Variants in ARSG observed in about 807,000 individuals in gnomAD.
ARSG encodes the protein arylsulfatase G, also known as ASG.
ARSG carries 37 observed loss-of-function variants against 50.5 expected under a neutral mutation model. That is an observed-to-expected ratio of 0.73 (90% CI 0.56 to 0.96). The LOEUF is 0.96. ARSG is among the 50% of genes least tolerant of loss of function. ARSG has a pLI of 0.00. For missense variants in ARSG, 629 were observed against 675.3 expected, an observed-to-expected ratio of 0.93 and a Z score of 0.76; for synonymous variants, 225 against 254.6, an observed-to-expected ratio of 0.88 and a Z score of 1.11.
chr17:68,300,899 A>G (rs1391697913), intron 1 of ARSG, among the ~76,000 whole-genome samples: 4 of 151,394 alleles, frequency 2.6e-5, no homozygotes, highest in Non-Finnish European at 5.9e-5. Flanking sequence ...TGGGTAGATC[A>G]CGAAGTCAGG....
chr17:68,394,946 A>T, intron 9 of ARSG, 127 bp from the exon 10 acceptor site: 1 of 1,345,068 alleles, frequency 7.4e-7, no homozygotes, highest in Admixed American at 2.3e-5. Flanking sequence ...CAGGTAGAGA[A>T]GTTAAGCCAG....
intron 1 of ARSG, among the ~76,000 whole-genome samples, chr17:68,299,417 C>T (rs570929642): frequency 1.3e-5 from 2 of 151,812 alleles, no homozygotes; most frequent in East Asian, 3.9e-4. Context: ...AAAAATGGAA[C>T]GTTGACACGT....
chr17:68,376,291 TTCTGAGATAGGG>T (rs1335248996), intron 8 of ARSG, among the ~76,000 whole-genome samples: 1 of 150,386 alleles, frequency 6.6e-6, no homozygotes, highest in Non-Finnish European at 1.5e-5. Context: ...TTTTTTTTTT[TTCTGAGATAGGG>T]TCTTGCTCTG....
chr17:68,438,593 A>G, the ARSG span, among the ~76,000 whole-genome samples: 1 of 152,214 alleles, frequency 6.6e-6, no homozygotes, highest in Non-Finnish European at 1.5e-5. Context: ...AAGGTTTCTC[A>G]GCACATATGT....
rs79196598 is a variant in ARSG at position 68,261,616 on chromosome 17, C to A, written c.-552+2190C>A. Among the ~76,000 whole-genome samples, 10 of 152,246 alleles carry A rather than the reference C, an allele frequency of 6.6e-5. No homozygotes were observed. In the East Asian group the frequency reaches 1.9e-3, roughly 29 times the overall value. Reference sequence around the variant, plus strand: ...CTAGTCTCAAACTCCCAGGCTCAAGCAATCTGCCCACCTTAGCCTCCCAAA... The same window carrying A: ...CTAGTCTCAAACTCCCAGGCTCAAGAAATCTGCCCACCTTAGCCTCCCAAA... On this transcript the variant is annotated intron_variant, in intron 1 of 11. Transcript: ENST00000448504.
At chr17:68,272,918 A>G (rs1247612761) in intron 1 of ARSG, 5 of 886,194 alleles carry the variant, frequency 5.6e-6, no homozygotes, top group Non-Finnish European at 8.5e-6. Context: ...TGATGTTGCA[A>G]AGAAAAATGG....
chr17:68,350,461 A>G (rs1177304380), intron 4 of ARSG, among the ~76,000 whole-genome samples: 1 of 152,344 alleles, frequency 6.6e-6, no homozygotes, highest in African/African-American at 2.4e-5. Flanking sequence ...TTTGCATTCT[A>G]GCTGCATATG....
intron 1 of ARSG, among the ~76,000 whole-genome samples, chr17:68,270,331 G>A (rs1475710784): frequency 2.0e-5 from 3 of 152,000 alleles, no homozygotes; most frequent in East Asian, 1.9e-4. Flanking sequence ...CAAGGCAGGC[G>A]GATCACGAGG....
intron 1 of ARSG, among the ~76,000 whole-genome samples, chr17:68,269,814 G>C (rs1555747869): frequency 6.6e-6 from 1 of 151,624 alleles, no homozygotes; most frequent in Non-Finnish European, 1.5e-5. Flanking sequence ...GCTGGGATTA[G>C]AGGTGTCTGC....
chr17:68,349,738 C>T (rs558171329), intron 4 of ARSG, among the ~76,000 whole-genome samples: 17 of 152,184 alleles, frequency 1.1e-4, no homozygotes, highest in Middle Eastern at 3.4e-3. Flanking sequence ...CAAAGATTAG[C>T]TGGGCGTGGT....
At chr17:68,447,025 C>T in the ARSG span, among the ~76,000 whole-genome samples, 1 of 152,198 alleles carries the variant, frequency 6.6e-6, no homozygotes, top group Non-Finnish European at 1.5e-5. Flanking sequence ...TTTCAGCCCC[C>T]GCAGAACCAT....
intron 2 of ARSG, among the ~76,000 whole-genome samples, chr17:68,320,224 A>G (rs181500258): frequency 1.5e-3 from 231 of 151,392 alleles, no homozygotes; most frequent in African/African-American, 5.2e-3. Context: ...TGGGAGTTGG[A>G]GGTTGCAGTG....
chr17:68,379,716 A>C (rs2080336910), intron 8 of ARSG: 1 of 562,014 alleles, frequency 1.8e-6, no homozygotes, highest in South Asian at 7.9e-5. Flanking sequence ...AGTTATGGGC[A>C]GTGTTAGGAA....
the ARSG span, among the ~76,000 whole-genome samples, chr17:68,436,723 T>C: frequency 6.6e-6 from 1 of 152,172 alleles, no homozygotes; most frequent in Admixed American, 6.5e-5. Flanking sequence ...CAATGAGACT[T>C]GCCGGGCACA....
At chr17:68,433,695 A>G in the ARSG span, 1 of 622,684 alleles carries the variant, frequency 1.6e-6, no homozygotes. Context: ...GTAGACCCAG[A>G]TCCCTTAAAC....
chr17:68,275,334 GA>G (rs1219871838), intron 1 of ARSG, among the ~76,000 whole-genome samples: 1 of 151,960 alleles, frequency 6.6e-6, no homozygotes, highest in Non-Finnish European at 1.5e-5. Flanking sequence ...AAGGAAGTGG[GA>G]AAAAAAGGAT....
At chr17:68,264,683 C>T (rs113782209) in intron 1 of ARSG, among the ~76,000 whole-genome samples, 38,226 of 151,584 alleles carry the variant, frequency 0.25, 5,011 homozygotes, top group Admixed American at 0.32. Context: ...GTGATCCACC[C>T]GCCTTGGCCT....
At chr17:68,265,365 A>G (rs1555746144) in intron 1 of ARSG, among the ~76,000 whole-genome samples, 1 of 151,860 alleles carries the variant, frequency 6.6e-6, no homozygotes, top group East Asian at 1.9e-4. Context: ...GTGGTGGTGC[A>G]CGCCTGTAAT....
chr17:68,375,295 A>T (rs1232400451), intron 8 of ARSG, among the ~76,000 whole-genome samples: 6 of 152,118 alleles, frequency 3.9e-5, no homozygotes, highest in Non-Finnish European at 8.8e-5. Flanking sequence ...TGAGTGTAGA[A>T]CTTTCAACTT....
Sources: gnomAD v4.1 joint callset for allele counts (sites outside exome capture counted in the v4.1 genomes callset) on GRCh38, gnomAD v4.1.1 for gene constraint, MANE v1.5 for transcripts, NCBI Gene and HGNC (gene_info 2026-07-23, HGNC 2026-07-21) for gene names.